The following GRM8 variants were observed in gnomAD, a reference collection of about 807,000 sequenced individuals.
GRM8 encodes the protein metabotropic glutamate receptor 8.
A neutral mutation model predicts 87.2 loss-of-function variants in GRM8; 47 were observed. The observed-to-expected ratio is 0.54, with a 90% CI of 0.43 to 0.69. The LOEUF is 0.69. Ranked by LOEUF, GRM8 falls within the 30% of genes least tolerant of loss-of-function variation. The pLI is 0.00. For synonymous variants in GRM8, 396 were observed against 404.5 expected (o/e 0.98, Z 0.25); for missense variants, 1,019 against 1,139.2 (o/e 0.89, Z 1.52).
At chr7:127,022,573 C>A (rs1816383959) in intron 3 of GRM8, among the ~76,000 whole-genome samples, 1 of 151,690 alleles carries the variant, frequency 6.6e-6, no homozygotes, top group Admixed American at 6.6e-5. Context: ...TCGCTTCAGG[C>A]CAAAAGGTAT....
At chr7:126,996,649 T>C (rs1813205143) in intron 3 of GRM8, among the ~76,000 whole-genome samples, 1 of 152,040 alleles carries the variant, frequency 6.6e-6, no homozygotes, top group South Asian at 2.1e-4. Context: ...GTAGCTACAG[T>C]TATATCTCAT....
chr7:126,518,202 C>A (rs374842866), intron 9 of GRM8, among the ~76,000 whole-genome samples: 1 of 151,960 alleles, frequency 6.6e-6, no homozygotes, highest in South Asian at 2.1e-4. Flanking sequence ...TAATGTGAAG[C>A]GAAATAAAAA....
intron 2 of GRM8, among the ~76,000 whole-genome samples, chr7:127,237,789 G>A (rs1470911972): frequency 6.6e-6 from 1 of 152,220 alleles, no homozygotes; most frequent in Non-Finnish European, 1.5e-5. Flanking sequence ...AATTATATTT[G>A]ACAGTGTCCT....
At chr7:126,940,413 C>T (rs1420519327) in intron 3 of GRM8, among the ~76,000 whole-genome samples, 3 of 152,166 alleles carry the variant, frequency 2.0e-5, no homozygotes, top group Admixed American at 2.0e-4. Context: ...AGTTCATCTG[C>T]TTCCATTCCC....
chr7:126,867,181 G>A (rs970926052), intron 6 of GRM8, among the ~76,000 whole-genome samples: 1 of 152,116 alleles, frequency 6.6e-6, no homozygotes, highest in Non-Finnish European at 1.5e-5. Flanking sequence ...AGACATTATT[G>A]TGGCAATTTT....
At chr7:126,766,778 T>C (rs979152098) in intron 7 of GRM8, among the ~76,000 whole-genome samples, 1 of 152,140 alleles carries the variant, frequency 6.6e-6, no homozygotes, top group Non-Finnish European at 1.5e-5. Flanking sequence ...CCTTGCACTT[T>C]TGGTGTTAGG....
chr7:126,544,277 T>C (rs1189590086), intron 8 of GRM8, among the ~76,000 whole-genome samples: 3 of 152,134 alleles, frequency 2.0e-5, no homozygotes, highest in African/African-American at 7.2e-5. Context: ...GATAAACTAG[T>C]CTATGACTAG....
chr7:126,823,077 C>A (rs1052916762), intron 6 of GRM8, among the ~76,000 whole-genome samples: 1 of 152,142 alleles, frequency 6.6e-6, no homozygotes, highest in African/African-American at 2.4e-5. Context: ...TACATATAAA[C>A]ACAACAAAGT....
intron 6 of GRM8, among the ~76,000 whole-genome samples, chr7:126,860,553 C>A (rs1172079898): frequency 1.3e-5 from 2 of 151,976 alleles, no homozygotes; most frequent in East Asian, 3.9e-4. Flanking sequence ...TCTAAAGAAA[C>A]AATTACTAAT....
intron 7 of GRM8, among the ~76,000 whole-genome samples, chr7:126,673,649 A>C (rs563642894): frequency 2.6e-5 from 4 of 152,230 alleles, no homozygotes; most frequent in Non-Finnish European, 5.9e-5. Flanking sequence ...AGAAAGCAAG[A>C]TCATGCTTAT....
At chr7:126,638,555 C>A (rs115510028) in intron 7 of GRM8, among the ~76,000 whole-genome samples, 6 of 152,188 alleles carry the variant, frequency 3.9e-5, no homozygotes, top group African/African-American at 1.4e-4. Context: ...GCCTAGAGTA[C>A]TGGAAGGGGA....
intron 2 of GRM8, among the ~76,000 whole-genome samples, chr7:127,200,441 A>C (rs2116553126): frequency 6.6e-6 from 1 of 152,324 alleles, no homozygotes; most frequent in South Asian, 2.1e-4. Flanking sequence ...AATTATACAA[A>C]CTTCTAACCA....
intron 8 of GRM8, among the ~76,000 whole-genome samples, chr7:126,542,798 G>A (rs900862081): frequency 2.0e-5 from 3 of 152,170 alleles, no homozygotes; most frequent in Non-Finnish European, 4.4e-5. Flanking sequence ...AATCACTGTG[G>A]TGACAGATCA....
At chr7:127,095,188 G>A (rs1196537247) in intron 3 of GRM8, among the ~76,000 whole-genome samples, 3 of 152,214 alleles carry the variant, frequency 2.0e-5, no homozygotes, top group Non-Finnish European at 4.4e-5. Context: ...AATGTCTGGT[G>A]GGACATCACT....
At chr7:126,754,257 T>C (rs1816760489) in intron 7 of GRM8, among the ~76,000 whole-genome samples, 1 of 151,888 alleles carries the variant, frequency 6.6e-6, no homozygotes, top group Admixed American at 6.6e-5. Context: ...AATGCAGTAT[T>C]TAAAAACCTG....
intron 3 of GRM8, among the ~76,000 whole-genome samples, chr7:127,022,930 T>A (rs1196688913): frequency 1.3e-5 from 2 of 152,064 alleles, no homozygotes; most frequent in Non-Finnish European, 2.9e-5. Context: ...AACATGTTTT[T>A]AAATACCTAG....
At chr7:126,929,519 C>T (rs1267152664) in intron 3 of GRM8, among the ~76,000 whole-genome samples, 1 of 152,126 alleles carries the variant, frequency 6.6e-6, no homozygotes, top group Non-Finnish European at 1.5e-5. Context: ...CTGCAACCTC[C>T]ACCTCCCGGG....
At chr7:127,180,956 C>T (rs1587214869) in intron 2 of GRM8, among the ~76,000 whole-genome samples, 1 of 152,028 alleles carries the variant, frequency 6.6e-6, no homozygotes, top group East Asian at 1.9e-4. Context: ...CCCACTCTTA[C>T]CACTCCTCTT....
In GRM8 at chr7:126,859,227, C is replaced by T. The variant is rs143942659; in HGVS notation, c.1156+43315G>A. On this transcript the variant is annotated intron_variant, in intron 6 of 10. Transcript: ENST00000339582. ...GTCGAGTACCTGGCACAGCTTGTGG[C>T]ACACAGTAGGTTTTTCATTGAAATT... Among the ~76,000 whole-genome samples the T allele has an allele frequency of 2.4e-3, 362 of 152,210 alleles. 1 individual carries two copies. Among genetic ancestry groups the T allele is most frequent in the African/African-American group, 8.2e-3 (340 of 41,516 alleles).
Sources: allele counts gnomAD v4.1 joint callset (sites outside exome capture counted in the v4.1 genomes callset), GRCh38; gene constraint gnomAD v4.1.1; transcripts MANE v1.5; gene names NCBI Gene and HGNC (gene_info 2026-07-23, HGNC 2026-07-21).